ZMAT1: variants seen among roughly 807,000 people sequenced by gnomAD.
ZMAT1 encodes the protein zinc finger matrin-type protein 1.
ZMAT1 carries 11 observed loss-of-function variants against 18.5 expected under a neutral mutation model. The ratio of observed to expected loss-of-function variants is 0.59; its 90% confidence interval spans 0.37 to 0.98. ZMAT1 has a LOEUF of 0.98. Ranked by LOEUF, ZMAT1 falls within the 50% of genes least tolerant of loss-of-function variation. ZMAT1 has a pLI of 0.01. For synonymous variants in ZMAT1, 211 were observed against 176.4 expected, an observed-to-expected ratio of 1.20 and a Z score of -1.55; for missense variants, 525 against 496.2, an observed-to-expected ratio of 1.06 and a Z score of -0.55.
At chrX:101,903,781 A>G (rs1339003414) in intron 2 of ZMAT1, among the ~76,000 whole-genome samples, 1 of 112,267 alleles carries the variant, frequency 8.9e-6, no homozygotes, top group Non-Finnish European at 1.9e-5. Flanking sequence ...CTAGGATTCT[A>G]CATTCCTGTG....
chrX:101,931,334 A>C (rs1569444754), intron 1 of ZMAT1: 16 of 500,919 alleles, frequency 3.2e-5, no homozygotes, highest in Non-Finnish European at 3.9e-5. Context: ...CTCTTGGCCC[A>C]CAGCACTTCT....
chrX:101,891,110 GAAGT>G (rs749202019), intron 4 of ZMAT1, among the ~76,000 whole-genome samples: 1 of 111,433 alleles, frequency 9.0e-6, no homozygotes, highest in African/African-American at 3.3e-5. Context: ...AGTAAGCCTA[GAAGT>G]AAGGAGATCA....
intron 4 of ZMAT1, chrX:101,887,338 A>G (rs964399874): frequency 1.6e-6 from 1 of 622,762 alleles, no homozygotes; most frequent in African/African-American, 2.5e-5. Flanking sequence ...ACTTCAAAAG[A>G]GTCAAAAGCT....
chrX:101,915,824 G>A (rs1929289916), intron 1 of ZMAT1: 1 of 112,218 alleles, frequency 8.9e-6, no homozygotes, highest in Non-Finnish European at 1.9e-5. Flanking sequence ...CATTGTGGAA[G>A]ACAGTGCAGT....
At position 101,897,906 on chromosome X, in the gene ZMAT1, T is replaced by C. The variant is rs762092655; in HGVS notation, c.638A>G (p.His213Arg). ...AKKLKQLMEE[H>R]DQASPSGFQP... ...AAATCCTGATGGAGATGCCTGATCA[T>C]GTTCCTCCATTAATTGCTTCAGTTT... The change falls in exon 4 of 6, where the codon CAT becomes CGT. Residue 213 changes from histidine to arginine, a missense_variant. His to Arg is a conservative substitution (Grantham distance 29). Coordinates refer to ENST00000651725, the MANE Select transcript of ZMAT1 (RefSeq NM_001394560.1). 2 of 1,211,618 alleles carry C rather than the reference T, an allele frequency of 1.7e-6. No individual in the cohort carries two copies. The highest frequency in any genetic ancestry group is 2.2e-6 in the Non-Finnish European group (2 of 895,351).
chrX:101,898,320 AT>A, intron 2 of ZMAT1, 100 bp from the exon 3 acceptor site: 1 of 696,082 alleles, frequency 1.4e-6, no homozygotes, highest in Non-Finnish European at 2.1e-6. Flanking sequence ...GTGTTAATAT[AT>A]TTAGTCAAAC....
At chrX:101,888,111 T>C (rs978798371) in intron 4 of ZMAT1, 2 of 111,788 alleles carry the variant, frequency 1.8e-5, no homozygotes, top group African/African-American at 3.3e-5. Context: ...GAAATTTCTA[T>C]GATCACAAAT....
chrX:101,918,483 C>CACAAAA (rs758997318), intron 1 of ZMAT1: 12 of 98,462 alleles, frequency 1.2e-4, no homozygotes, highest in African/African-American at 4.5e-4. Context: ...CACACACACA[C>CACAAAA]AAAAATTAGC....
intron 4 of ZMAT1, chrX:101,894,914 GA>G: frequency 1.3e-6 from 1 of 745,785 alleles, no homozygotes; most frequent in Non-Finnish European, 1.6e-6. Flanking sequence ...CCTGTGGGGG[GA>G]AAAATGAAAA....
chrX:101,906,458 T>C (rs991214667), intron 1 of ZMAT1, among the ~76,000 whole-genome samples: 2 of 109,074 alleles, frequency 1.8e-5, no homozygotes, highest in African/African-American at 6.7e-5. Context: ...AAGAGGCTGG[T>C]ACCCACAGAC....
chrX:101,922,388 G>T (rs1391599301), intron 1 of ZMAT1, among the ~76,000 whole-genome samples: 1 of 109,198 alleles, frequency 9.2e-6, no homozygotes, highest in Non-Finnish European at 1.9e-5. Flanking sequence ...TCTTAGAAAG[G>T]CTAGGCCTTT....
chrX:101,918,825 C>G (rs1929534038), intron 1 of ZMAT1, among the ~76,000 whole-genome samples: 2 of 110,604 alleles, frequency 1.8e-5, no homozygotes, highest in African/African-American at 6.6e-5. Context: ...CCACTATTAA[C>G]AGTCAAAGTT....
intron 1 of ZMAT1, among the ~76,000 whole-genome samples, chrX:101,925,097 CAG>C (rs1569442712): frequency 9.0e-6 from 1 of 111,090 alleles, no homozygotes. Flanking sequence ...AGCTGCCCTG[CAG>C]AGTCAACCTG....
At chrX:101,928,609 C>T (rs778916111) in intron 1 of ZMAT1, among the ~76,000 whole-genome samples, 1 of 112,751 alleles carries the variant, frequency 8.9e-6, no homozygotes, top group African/African-American at 3.2e-5. Context: ...TGCCCGCCTC[C>T]GCCTTCCAAA....
chrX:101,931,401 G>A (rs1925110053), intron 1 of ZMAT1: 1 of 737,569 alleles, frequency 1.4e-6, no homozygotes, highest in Non-Finnish European at 1.6e-6. Flanking sequence ...ACACTAAGGT[G>A]TCCTGGCTGG....
rs762054523 is a variant in ZMAT1, at chrX:101,884,585, G to T, written c.1013C>A (p.Ala338Glu). 37 of 1,209,047 alleles carry T rather than the reference G, an allele frequency of 3.1e-5. No homozygotes were observed. The highest frequency in any genetic ancestry group is 3.4e-6 in the Non-Finnish European group (3 of 894,688). Reference protein sequence around the residue: ...RLPFETFRTYAAPYNISQAME... With the variant: ...RLPFETFRTYEAPYNISQAME... ...TGCTTGTGAAATATTGTATGGTGCT[G>T]CGTATGTCCGGAAAGTCTCAAATGG... Residue 338 changes from alanine (A) to glutamate (E), a missense_variant, in exon 6 of 6, where the codon GCA (alanine) becomes GAA (glutamate). Physicochemically the swap from Ala to Glu is moderately radical, Grantham distance 107 (BLOSUM62 -1). Transcript: ENST00000651725.
Position 101,923,365 on chromosome X carries a change from C to CT in ZMAT1, c.292+8351dup, listed in dbSNP as rs753990931. On this transcript the variant is annotated intron_variant, in intron 1 of 5. Transcript: ENST00000651725. Reference sequence around the variant, plus strand: ...CTTTCAGATTTCTGTTTCTACCTGACTTTATATGGGTTGATGGTGATCAAT... The same window carrying CT: ...CTTTCAGATTTCTGTTTCTACCTGACTTTTATATGGGTTGATGGTGATCAAT... Among the ~76,000 whole-genome samples, 14 of 111,516 alleles carry CT rather than the reference C, an allele frequency of 1.3e-4. 1 individual carries two copies. The highest frequency in any genetic ancestry group is 4.6e-4 in the African/African-American group (14 of 30,667).
intron 1 of ZMAT1, among the ~76,000 whole-genome samples, chrX:101,906,547 G>A (rs755917733): frequency 3.6e-5 from 4 of 111,836 alleles, no homozygotes; most frequent in Middle Eastern, 4.6e-3. Flanking sequence ...GCTCTTGCTG[G>A]AGCTCCTGCA....
chrX:101,899,702 G>C (rs1461082386), intron 2 of ZMAT1, among the ~76,000 whole-genome samples: 1 of 112,505 alleles, frequency 8.9e-6, no homozygotes, highest in Non-Finnish European at 1.9e-5. Context: ...TCCACTCAGT[G>C]ATTGATGGGC....
Sources: allele counts gnomAD v4.1 joint callset (sites outside exome capture counted in the v4.1 genomes callset), GRCh38; gene constraint gnomAD v4.1.1; transcripts MANE v1.5; gene names NCBI Gene and HGNC (gene_info 2026-07-23, HGNC 2026-07-21).